The following CFAP77 variants were observed in gnomAD, a reference collection of about 807,000 sequenced individuals.
CFAP77 encodes the protein cilia and flagella associated protein 77.
In CFAP77, 25 loss-of-function variants were observed where a neutral mutation model predicts 31.1. The ratio of observed to expected loss-of-function variants is 0.80; its 90% CI spans 0.59 to 1.12. The LOEUF is 1.12. CFAP77 is among the 50% of genes most tolerant of loss of function. The pLI is 0.00. For synonymous variants in CFAP77, 151 were observed against 159.9 expected (o/e 0.94, Z 0.42); for missense variants, 377 against 397.3 (o/e 0.95, Z 0.44).
intron 1 of CFAP77, among the ~76,000 whole-genome samples, chr9:132,488,971 G>T (rs558328041): frequency 1.3e-5 from 2 of 152,308 alleles, no homozygotes; most frequent in Admixed American, 6.5e-5. Flanking sequence ...ACCCAGAGCT[G>T]TATTCCAGCC....
intron 1 of CFAP77, among the ~76,000 whole-genome samples, chr9:132,457,775 A>G (rs1259312611): frequency 1.3e-5 from 2 of 152,242 alleles, no homozygotes; most frequent in Non-Finnish European, 2.9e-5. Flanking sequence ...CCTGCTCTCA[A>G]GGAGGCAGAG....
At chr9:132,461,692 C>T (rs764973754) in intron 1 of CFAP77, among the ~76,000 whole-genome samples, 12 of 152,168 alleles carry the variant, frequency 7.9e-5, no homozygotes, top group Non-Finnish European at 1.3e-4. Context: ...AGAACTGCTC[C>T]CCTGGGCCCT....
chr9:132,493,395 A>T (rs1763207386), intron 1 of CFAP77, among the ~76,000 whole-genome samples: 1 of 152,230 alleles, frequency 6.6e-6, no homozygotes, highest in African/African-American at 2.4e-5. Context: ...TGGAAAAAAA[A>T]TAGTCATTGT....
chr9:132,512,661 T>G (rs1852060222), intron 3 of CFAP77, among the ~76,000 whole-genome samples: 1 of 152,188 alleles, frequency 6.6e-6, no homozygotes, highest in African/African-American at 2.4e-5. Context: ...AGATGATAGG[T>G]ATAGGCCAGG....
intron 1 of CFAP77, among the ~76,000 whole-genome samples, chr9:132,469,652 G>T (rs1430713393): frequency 6.6e-6 from 1 of 151,934 alleles, no homozygotes; most frequent in African/African-American, 2.4e-5. Context: ...TATTTCATTT[G>T]CCCACCTTTT....
intron 1 of CFAP77, among the ~76,000 whole-genome samples, chr9:132,451,325 C>T (rs527815210): frequency 2.2e-5 from 3 of 134,936 alleles, no homozygotes; most frequent in East Asian, 2.1e-4. Context: ...GCAACAAGAG[C>T]GAAACTCCAT....
intron 1 of CFAP77, among the ~76,000 whole-genome samples, chr9:132,428,852 G>A (rs1372073193): frequency 7.2e-5 from 11 of 152,046 alleles, no homozygotes; most frequent in African/African-American, 1.4e-4. Flanking sequence ...ACCAGGCTGC[G>A]ATGGTGTTGG....
chr9:132,519,714 AGATGGATGAATGGATGGGTG>A (rs1852231226), intron 3 of CFAP77, among the ~76,000 whole-genome samples: 1 of 15,076 alleles, frequency 6.6e-5, no homozygotes, highest in Non-Finnish European at 1.3e-4. Context: ...GTGGGTGGGT[AGATGGATGAATGGATGGGTG>A]GATGGATGGA....
chr9:132,420,140 G>T (rs1850185755), intron 1 of CFAP77, among the ~76,000 whole-genome samples: 1 of 136,264 alleles, frequency 7.3e-6, no homozygotes, highest in African/African-American at 2.8e-5. Flanking sequence ...TAGCCTGGGT[G>T]ACAGAGCAAG....
rs200040927 is a variant in CFAP77, at chr9:132,537,600, G to C, written c.525-1G>C. 1 of 1,609,746 alleles carries C rather than the reference G, an allele frequency of 6.2e-7. No homozygotes were observed. The highest frequency in any genetic ancestry group is 8.5e-7 in the Non-Finnish European group (1 of 1,177,760). On this transcript the variant is annotated splice_acceptor_variant, in intron 3 of 5. Transcript: ENST00000393216. LOFTEE classifies it high-confidence loss of function. ...GCTCTGTCTGGACTTCTTCCCTCCA[G>C]GCCTTCCACACCCTTCTTTGATCTG...
chr9:132,473,535 A>C (rs1469948803), intron 1 of CFAP77, among the ~76,000 whole-genome samples: 1 of 152,166 alleles, frequency 6.6e-6, no homozygotes, highest in African/African-American at 2.4e-5. Context: ...CTGTATACTC[A>C]TCAGGATACC....
intron 3 of CFAP77, among the ~76,000 whole-genome samples, chr9:132,522,465 G>A (rs553750744): frequency 2.6e-5 from 4 of 152,114 alleles, no homozygotes; most frequent in Admixed American, 6.5e-5. Flanking sequence ...CCCCTCCAGC[G>A]CCTCAAAAGA....
intron 5 of CFAP77, among the ~76,000 whole-genome samples, chr9:132,566,549 A>C (rs764552412): frequency 6.6e-6 from 1 of 152,142 alleles, no homozygotes; most frequent in Admixed American, 6.5e-5. Flanking sequence ...CCCAGCTACG[A>C]GGCCCGTTGA....
At chr9:132,513,552 G>A in intron 3 of CFAP77, 1 of 569,288 alleles carries the variant, frequency 1.8e-6, no homozygotes, top group East Asian at 2.9e-5. Context: ...AGGGACTACT[G>A]AGCGGGGTCC....
At chr9:132,563,118 C>T (rs1296622362) in intron 5 of CFAP77, among the ~76,000 whole-genome samples, 2 of 152,078 alleles carry the variant, frequency 1.3e-5, no homozygotes, top group Non-Finnish European at 2.9e-5. Flanking sequence ...CTCCTGGGCT[C>T]AAGCAATCCT....
chr9:132,439,183 T>A (rs1307689904), intron 1 of CFAP77, among the ~76,000 whole-genome samples: 1 of 152,046 alleles, frequency 6.6e-6, no homozygotes, highest in African/African-American at 2.4e-5. Flanking sequence ...GCAGTCAATA[T>A]TCTTAAATTA....
Position 132,517,135 on chromosome 9 carries a change from C to T in CFAP77, c.524+17535C>T, listed in dbSNP as rs557676376. ...TCCCTCATGGATCGGGTGTCGATTT[C>T]GTATCGTGGAGAGAAGCCCAGCCCT... On this transcript the variant is annotated intron_variant, in intron 3 of 5. Coordinates refer to ENST00000393216, the MANE Select transcript of CFAP77 (RefSeq NM_001282957.2). The surrounding 1 kb of genome is among the most constrained non-coding windows in gnomAD (Gnocchi z 4.7). 1.3e-5 allele frequency among the ~76,000 whole-genome samples: 2 copies of T among 152,202 alleles called. No homozygotes were observed. Among genetic ancestry groups the T allele is most frequent in the South Asian group, 4.1e-4 (2 of 4,820 alleles).
chr9:132,571,143 G>T (rs918562334), intron 5 of CFAP77, among the ~76,000 whole-genome samples: 5 of 152,112 alleles, frequency 3.3e-5, no homozygotes, highest in African/African-American at 1.2e-4. Flanking sequence ...CCCTGGCCTG[G>T]ATTCTCGACA....
intron 1 of CFAP77, among the ~76,000 whole-genome samples, chr9:132,466,220 C>T (rs1233381736): frequency 2.0e-5 from 3 of 152,090 alleles, no homozygotes; most frequent in Non-Finnish European, 2.9e-5. Flanking sequence ...GGATTACAGA[C>T]GTAAGCCTGG....
Sources: gnomAD v4.1 joint callset for allele counts (sites outside exome capture counted in the v4.1 genomes callset) on GRCh38, gnomAD v4.1.1 for gene constraint, Gnocchi (gnomAD v3.1) non-coding constraint, MANE v1.5 for transcripts, NCBI Gene and HGNC (gene_info 2026-07-23, HGNC 2026-07-21) for gene names.